The following PGR variants were observed in gnomAD, a reference collection of about 807,000 sequenced individuals.
PGR encodes progesterone receptor.
A neutral mutation model predicts 76.1 loss-of-function variants in PGR; 25 were observed. That is an observed-to-expected ratio of 0.33 (90% CI 0.24 to 0.46). The LOEUF is 0.46. Among genes scored for constraint, PGR ranks in the 20% least tolerant of loss-of-function variants. PGR has a pLI of 1.00. For missense variants in PGR, 1,172 were observed against 1,225.3 expected (o/e 0.96, Z 0.65); for synonymous variants, 579 against 535.0 (o/e 1.08, Z -1.14).
In PGR at chr11:101,031,970, G is replaced by A. The variant is rs565876435; in HGVS notation, c.*7146C>T. 68 of 232,348 alleles carry A rather than the reference G, an allele frequency of 2.9e-4. No individual in the cohort carries two copies. The highest frequency in any genetic ancestry group is 1.3e-3 in the Middle Eastern group (1 of 784). 14.4% of individuals were successfully genotyped at this position (232,348 alleles called of 1,614,324 possible). A position where few individuals can be genotyped will look rare whatever the true frequency, so the allele number is the denominator to read the frequency against. On this transcript the variant is annotated 3_prime_UTR_variant, in exon 8 of 8. Coordinates refer to ENST00000325455, the MANE Select transcript of PGR (RefSeq NM_000926.4). ...GTGTATAGACCTGGACTTTGAGGTTGGACAGACATGCAAAGGTAGGGATAT... is the reference window on the plus strand; with the variant it reads ...GTGTATAGACCTGGACTTTGAGGTTAGACAGACATGCAAAGGTAGGGATAT...
At position 101,035,568 on chromosome 11, in the gene PGR, A is replaced by C; in HGVS notation, c.*3548T>G. ...CTTTTGTGGAATTGCTGCCATAGTA[A>C]AAATAATTTGAGCATGGGTTTTTGG... is the stretch of plus-strand genomic sequence containing the variant. On this transcript the variant is annotated 3_prime_UTR_variant, in exon 8 of 8. Coordinates refer to ENST00000325455, the MANE Select transcript of PGR (RefSeq NM_000926.4). 1 of 232,152 alleles carries C rather than the reference A, an allele frequency of 4.3e-6. No homozygotes were observed. Among genetic ancestry groups the C allele is most frequent in the Non-Finnish European group, 8.5e-6 (1 of 117,390 alleles). The allele number at this position is 232,152 out of a possible 1,614,324, so 14.4% of individuals were successfully genotyped here. A position where few individuals can be genotyped will look rare whatever the true frequency, so the allele number is the denominator to read the frequency against.
intron 2 of PGR, among the ~76,000 whole-genome samples, chr11:101,111,704 A>T (rs1373063105): frequency 6.6e-6 from 1 of 152,172 alleles, no homozygotes; most frequent in Non-Finnish European, 1.5e-5. Context: ...GGCTTACCAG[A>T]GAAAACCCTA....
intron 2 of PGR, among the ~76,000 whole-genome samples, chr11:101,121,762 G>A (rs753429656): frequency 6.6e-6 from 1 of 152,198 alleles, no homozygotes; most frequent in Non-Finnish European, 1.5e-5. Flanking sequence ...TCGTTTTACT[G>A]TGGTTTCACC....
intron 4 of PGR, among the ~76,000 whole-genome samples, chr11:101,059,222 C>T (rs1446938277): frequency 2.0e-5 from 3 of 151,936 alleles, no homozygotes; most frequent in Non-Finnish European, 4.4e-5. Context: ...TCTCTGAAGG[C>T]TTCTTTAGTC....
At chr11:101,126,670 T>C (rs1862848607) in intron 1 of PGR, among the ~76,000 whole-genome samples, 1 of 152,238 alleles carries the variant, frequency 6.6e-6, no homozygotes, top group South Asian at 2.1e-4. Flanking sequence ...CTGACACTGT[T>C]TTGCCTATTC....
intron 2 of PGR, among the ~76,000 whole-genome samples, chr11:101,093,201 A>C (rs534403906): frequency 1.2e-4 from 19 of 152,284 alleles, no homozygotes; most frequent in African/African-American, 4.6e-4. Flanking sequence ...GCCTTCACCT[A>C]ATAAAGGGTA....
rs575632158 is a variant in PGR, at chr11:101,032,553, T to C, written c.*6563A>G. ...AAATGTTGTTTGGGATACTCTTCTC[T>C]CTTTGGAATCCCTCCTGTTTGGAAT... On this transcript the variant is annotated 3_prime_UTR_variant, in exon 8 of 8. Coordinates refer to ENST00000325455, the MANE Select transcript of PGR (RefSeq NM_000926.4). 9 of 231,876 alleles carry C rather than the reference T, an allele frequency of 3.9e-5. No homozygotes were observed. The highest frequency in any genetic ancestry group is 1.8e-4 in the African/African-American group (8 of 45,410). 14.4% of individuals were successfully genotyped at this position (231,876 alleles called of 1,614,324 possible). A position where few individuals can be genotyped will look rare whatever the true frequency, so the allele number is the denominator to read the frequency against.
chr11:101,058,044 C>A (rs971335614), intron 4 of PGR, among the ~76,000 whole-genome samples: 2 of 152,040 alleles, frequency 1.3e-5, no homozygotes, highest in Non-Finnish European at 2.9e-5. Context: ...GGTGGAAGAA[C>A]AAATCCACAC....
intron 3 of PGR, among the ~76,000 whole-genome samples, chr11:101,066,259 G>C (rs138002446): frequency 2.6e-5 from 4 of 152,254 alleles, no homozygotes; most frequent in African/African-American, 7.2e-5. Context: ...AAAAAACAAT[G>C]GCCAATTCTC....
chr11:101,127,950 T>C lies in PGR; in HGVS notation c.1121A>G (p.Tyr374Cys), dbSNP rs1296991899. The C allele has an allele frequency of 1.2e-6, 2 of 1,611,338 alleles. No homozygotes were observed. Among genetic ancestry groups the C allele is most frequent in the South Asian group, 1.1e-5 (1 of 91,038 alleles). Residue 374 changes from tyrosine to cysteine, a missense_variant, in exon 1 of 8, where the codon TAC becomes TGC. Around this residue, in one of 4 missense-constraint regions of PGR, gnomAD observed 893 missense variants for 785.9 expected, o/e 1.14. Coordinates refer to ENST00000325455, the MANE Select transcript of PGR (RefSeq NM_000926.4). ...PPDAEPKDDA[Y>C]PLYSDFQPPA... ...CGGCTGGAAGTCGCTATAGAGAGGG[T>C]ACGCGTCGTCCTTGGGCTCGGCGTC...
At chr11:101,113,848 G>A (rs1862418458) in intron 2 of PGR, among the ~76,000 whole-genome samples, 1 of 152,016 alleles carries the variant, frequency 6.6e-6, no homozygotes, top group Non-Finnish European at 1.5e-5. Context: ...CAGTTGTTAG[G>A]CCCTTTCTAT....
At chr11:101,052,304 TG>T (rs1457642954) in intron 4 of PGR, among the ~76,000 whole-genome samples, 5 of 110,720 alleles carry the variant, frequency 4.5e-5, no homozygotes, top group African/African-American at 1.4e-4. Flanking sequence ...TGTGTGTGTG[TG>T]TGTGTGTGTG....
intron 7 of PGR, among the ~76,000 whole-genome samples, chr11:101,039,944 G>T (rs1565326769): frequency 1.3e-5 from 2 of 151,964 alleles, no homozygotes; most frequent in Non-Finnish European, 2.9e-5. Flanking sequence ...AGGAAATGAA[G>T]AAAATGAAGC....
At position 101,030,250 on chromosome 11, in the gene PGR, G is replaced by A. The variant is rs904392741; in HGVS notation, c.*8866C>T. On this transcript the variant is annotated 3_prime_UTR_variant, in exon 8 of 8. Transcript: ENST00000325455. ...CACTAGTTTTACTAATAAGCAACGG[G>A]GTAGATAACTTTGAAGATTGCATCA... The A allele has an allele frequency of 9.0e-6, 2 of 223,004 alleles. No homozygotes were observed. Among genetic ancestry groups the A allele is most frequent in the Admixed American group, 5.8e-5 (1 of 17,362 alleles). 13.8% of individuals were successfully genotyped at this position (223,004 alleles called of 1,614,324 possible). A position where few individuals can be genotyped will look rare whatever the true frequency, so the allele number is the denominator to read the frequency against.
rs1859478943 is a variant in PGR, at chr11:101,035,478, C to T, written c.*3638G>A. The T allele has an allele frequency of 4.3e-6, 1 of 231,634 alleles. No homozygotes were observed. Among genetic ancestry groups the T allele is most frequent in the Admixed American group, 5.6e-5 (1 of 17,720 alleles). The allele number at this position is 231,634 out of a possible 1,614,324, so 14.3% of individuals were successfully genotyped here. A position where few individuals can be genotyped will look rare whatever the true frequency, so the allele number is the denominator to read the frequency against. ...TCTTGTGGGCATTTTATATCATAAC[C>T]TTCTTAGGGATAGGGATGTTTTTTG... On this transcript the variant is annotated 3_prime_UTR_variant, in exon 8 of 8. Transcript: ENST00000325455.
At chr11:101,068,100 A>C (rs1860788720) in intron 3 of PGR, among the ~76,000 whole-genome samples, 1 of 152,104 alleles carries the variant, frequency 6.6e-6, no homozygotes, top group Admixed American at 6.6e-5. Flanking sequence ...GATGTTAATC[A>C]TATTGTTTCT....
chr11:101,040,252 C>T (rs1027909120), intron 7 of PGR, among the ~76,000 whole-genome samples: 5 of 152,050 alleles, frequency 3.3e-5, no homozygotes, highest in African/African-American at 1.2e-4. Flanking sequence ...GTGGTAATCT[C>T]TCAGTTCCAT....
intron 2 of PGR, among the ~76,000 whole-genome samples, chr11:101,110,481 G>C (rs1190650851): frequency 2.0e-5 from 3 of 152,122 alleles, no homozygotes; most frequent in African/African-American, 7.2e-5. Context: ...ATTAGAAGTG[G>C]AGTTCAAAGA....
intron 3 of PGR, among the ~76,000 whole-genome samples, chr11:101,089,794 A>G (rs1013446565): frequency 6.6e-6 from 1 of 152,188 alleles, no homozygotes; most frequent in Non-Finnish European, 1.5e-5. Flanking sequence ...AGGTATGAAA[A>G]TGCAGCAATA....
Sources: allele counts gnomAD v4.1 joint callset (sites outside exome capture counted in the v4.1 genomes callset), GRCh38; gene constraint gnomAD v4.1.1; regional missense constraint gnomAD v4.1.1; transcripts MANE v1.5; gene names NCBI Gene and HGNC (gene_info 2026-07-23, HGNC 2026-07-21).